Variants in ARL5B observed in about 807,000 individuals in gnomAD.
ARL5B encodes the protein ADP-ribosylation factor-like protein 5B.
In ARL5B, 10 loss-of-function variants were observed where a neutral mutation model predicts 26.9. The observed-to-expected ratio is 0.37, with a 90% CI of 0.23 to 0.63. The LOEUF (loss-of-function observed/expected upper bound fraction) is 0.63. Ranked by LOEUF, ARL5B falls within the 30% of genes least tolerant of loss-of-function variation. ARL5B has a pLI of 0.62. For missense variants in ARL5B, 167 were observed against 213.9 expected (o/e 0.78, Z 1.37); for synonymous variants, 87 against 70.4 (o/e 1.24, Z -1.18).
intron 3 of ARL5B, 39 bp downstream of exon 3, chr10:18,668,716 C>A: frequency 6.3e-7 from 1 of 1,599,984 alleles, no homozygotes; most frequent in Middle Eastern, 1.7e-4. Flanking sequence ...TCCAAAGGTC[C>A]CTAGAGTAAA....
chr10:18,674,145 T>C lies in ARL5B; in HGVS notation c.491+10T>C. On this transcript the variant is annotated intron_variant, in intron 5 of 5. Transcript: ENST00000377275. ...CTCTCACAGGAGAAGGGTAAGTTCA[T>C]CCGTCTGAGGGGAGGTATGACTTCT... 2 of 1,602,800 alleles carry C rather than the reference T, an allele frequency of 1.2e-6. No homozygotes were observed.
rs903422652 is a variant in ARL5B at position 18,680,099 on chromosome 10, A to T, written c.*4883A>T. On this transcript the variant is annotated 3_prime_UTR_variant, in exon 6 of 6. Transcript: ENST00000377275. ...CTTTTGGAATAGAAAACAAAGTTTT[A>T]AAAGAATGGATATGTTTTCTTGCAC... 4.6e-5 allele frequency: 7 copies of T among 152,046 alleles called. No individual in the cohort carries two copies. Among genetic ancestry groups the T allele is most frequent in the Non-Finnish European group, 8.8e-5 (6 of 67,888 alleles). 9.4% of individuals were successfully genotyped at this position (152,046 alleles called of 1,614,324 possible). A position where few individuals can be genotyped will look rare whatever the true frequency, so the allele number is the denominator to read the frequency against.
Position 18,676,576 on chromosome 10 carries a change from G to C in ARL5B, c.*1360G>C, listed in dbSNP as rs1275435378. On this transcript the variant is annotated 3_prime_UTR_variant, in exon 6 of 6. Coordinates refer to ENST00000377275, the MANE Select transcript of ARL5B (RefSeq NM_178815.5). ...ATTTCGATCCTGTTTATTCAAATGTGTGATTTTGCTGAAATGAAAGGGATA... is the reference window on the plus strand; with the variant it reads ...ATTTCGATCCTGTTTATTCAAATGTCTGATTTTGCTGAAATGAAAGGGATA... 2 of 151,946 alleles carry C rather than the reference G, an allele frequency of 1.3e-5. No individual in the cohort carries two copies. The highest frequency in any genetic ancestry group is 2.4e-5 in the African/African-American group (1 of 41,418). The allele number at this position is 151,946 out of a possible 1,614,324, so 9.4% of individuals were successfully genotyped here.
rs1273753232 is a variant in ARL5B, at chr10:18,677,586, C to A, written c.*2370C>A. The A allele has an allele frequency of 1.3e-5, 2 of 152,218 alleles. No homozygotes were observed. The highest frequency in any genetic ancestry group is 4.8e-5 in the African/African-American group (2 of 41,388). 9.4% of individuals were successfully genotyped at this position (152,218 alleles called of 1,614,324 possible). ...CACAGTAACGTGAAAACTGATTATT[C>A]TTTACTCCAAGAGAATGTTTTAACC... On this transcript the variant is annotated 3_prime_UTR_variant, in exon 6 of 6. Coordinates refer to ENST00000377275, the MANE Select transcript of ARL5B (RefSeq NM_178815.5).
intron 4 of ARL5B, among the ~76,000 whole-genome samples, chr10:18,673,012 C>T (rs1229744045): frequency 6.6e-6 from 1 of 151,752 alleles, no homozygotes; most frequent in African/African-American, 2.4e-5. Context: ...ACTTAAGGGT[C>T]TTTTCCCCAA....
At chr10:18,674,216 G>T in intron 5 of ARL5B, 81 bp downstream of exon 5, 1 of 1,312,730 alleles carries the variant, frequency 7.6e-7, no homozygotes, top group South Asian at 1.6e-5. Context: ...TTCTTCATGG[G>T]TCCTGTTCCT....
rs1196236380 is a variant in ARL5B, at chr10:18,659,530, G to C, written c.-108G>C. 2 of 1,389,024 alleles carry C rather than the reference G, an allele frequency of 1.4e-6. No individual in the cohort carries two copies. The highest frequency in any genetic ancestry group is 5.2e-5 in the East Asian group (2 of 38,226). 86.0% of individuals were successfully genotyped at this position (1,389,024 alleles called of 1,614,324 possible). A position where few individuals can be genotyped will look rare whatever the true frequency, so the allele number is the denominator to read the frequency against. Reference sequence around the variant, plus strand: ...CGGCCTAGCAGTGCCCTCGCTGCGCGATCTCAGGCGGGTTCTCCTCGGCTC... The same window carrying C: ...CGGCCTAGCAGTGCCCTCGCTGCGCCATCTCAGGCGGGTTCTCCTCGGCTC... On this transcript the variant is annotated 5_prime_UTR_variant, in exon 1 of 6. Transcript: ENST00000377275.
intron 3 of ARL5B, among the ~76,000 whole-genome samples, chr10:18,670,250 A>T (rs1013710437): frequency 6.6e-6 from 1 of 152,210 alleles, no homozygotes; most frequent in African/African-American, 2.4e-5. Context: ...TAAGCAAATA[A>T]TATAGTTAAA....
rs975534360 is a variant in ARL5B at position 18,676,796 on chromosome 10, G to A, written c.*1580G>A. On this transcript the variant is annotated 3_prime_UTR_variant, in exon 6 of 6. Coordinates refer to ENST00000377275, the MANE Select transcript of ARL5B (RefSeq NM_178815.5). ...TATATTTAGTCAAGTTAATTTAGTC[G>A]AATGTGGTAACATTTTTCTGATTTA... 6.6e-6 allele frequency: 1 copy of A among 151,694 alleles called. No homozygotes were observed. The highest frequency in any genetic ancestry group is 1.9e-4 in the East Asian group (1 of 5,200). 9.4% of individuals were successfully genotyped at this position (151,694 alleles called of 1,614,324 possible).
chr10:18,675,074 T>C (rs2059904439), intron 5 of ARL5B, 94 bp from the exon 6 acceptor site: 5 of 1,086,434 alleles, frequency 4.6e-6, no homozygotes, highest in Admixed American at 2.1e-5. Context: ...ATGATTGTGC[T>C]ACCAGCCTTT....
chr10:18,674,127 A>G lies in ARL5B; in HGVS notation c.483A>G (p.Thr161=), dbSNP rs1226233772. 1.2e-6 allele frequency: 2 copies of G among 1,609,448 alleles called. No individual in the cohort carries two copies. Among genetic ancestry groups the G allele is most frequent in the Non-Finnish European group, 1.7e-6 (2 of 1,178,172 alleles). Residue 161 remains threonine (T), a synonymous_variant, in exon 5 of 6, where the codon ACA becomes ACG. Transcript: ENST00000377275. ...ACATTCAATCCTGCTGTGCTCTCAC[A>G]GGAGAAGGGTAAGTTCATCCGTCTG... ...PWHIQSCCAL[T]GEGLCQGLEW...
chr10:18,675,198 C>A lies in ARL5B; in HGVS notation c.522C>A (p.Ser174=). The change falls in exon 6 of 6, where the codon TCC becomes TCA. Residue 174 remains serine (S), a synonymous_variant. Coordinates refer to ENST00000377275, the MANE Select transcript of ARL5B (RefSeq NM_178815.5). ...GLCQGLEWMT[S]RIGVR ...GCCAAGGTCTAGAGTGGATGACCTC[C>A]CGGATTGGTGTGAGATAACTTTTTT... The A allele has an allele frequency of 6.2e-7, 1 of 1,613,364 alleles. No homozygotes were observed. Among genetic ancestry groups the A allele is most frequent in the Admixed American group, 1.7e-5 (1 of 60,000 alleles).
intron 5 of ARL5B, 87 bp from the exon 6 acceptor site, chr10:18,675,081 C>T: frequency 8.3e-7 from 1 of 1,208,598 alleles, no homozygotes; most frequent in Non-Finnish European, 1.2e-6. Context: ...TGCTACCAGC[C>T]TTTGGTTAAG....
chr10:18,666,746 T>C, intron 2 of ARL5B, 111 bp downstream of exon 2: 2 of 869,898 alleles, frequency 2.3e-6, no homozygotes, highest in Non-Finnish European at 3.3e-6. Flanking sequence ...TATATGTTTT[T>C]TGTTTTTTGT....
intron 1 of ARL5B, among the ~76,000 whole-genome samples, chr10:18,661,279 G>A (rs2059835310): frequency 1.3e-5 from 2 of 152,108 alleles, no homozygotes; most frequent in African/African-American, 4.8e-5. Flanking sequence ...ATCCTTTCCC[G>A]TTTTCCTTTC....
At position 18,678,663 on chromosome 10, in the gene ARL5B, C is replaced by G. The variant is rs1432010717; in HGVS notation, c.*3447C>G. The G allele has an allele frequency of 6.6e-6, 1 of 151,744 alleles. No individual in the cohort carries two copies. Among genetic ancestry groups the G allele is most frequent in the Non-Finnish European group, 1.5e-5 (1 of 67,790 alleles). The allele number at this position is 151,744 out of a possible 1,614,324, so 9.4% of individuals were successfully genotyped here. On this transcript the variant is annotated 3_prime_UTR_variant, in exon 6 of 6. Transcript: ENST00000377275. ...TTTGGAATTTATCTTTGGAGACCAA[C>G]TTTATGAGGCAGACTTTTTGTCTAC...
At position 18,675,283 on chromosome 10, in the gene ARL5B, G is replaced by A; in HGVS notation, c.*67G>A. 6.9e-7 allele frequency: 1 copy of A among 1,456,628 alleles called. No homozygotes were observed. The highest frequency in any genetic ancestry group is 9.6e-7 in the Non-Finnish European group (1 of 1,038,442). 90.2% of individuals were successfully genotyped at this position (1,456,628 alleles called of 1,614,324 possible). ...TGAACATTTTTTCCTAGTACCTTTG[G>A]CTGCTAAGGCAGCAGCATGTTTAAT... is the stretch of plus-strand genomic sequence containing the variant. On this transcript the variant is annotated 3_prime_UTR_variant, in exon 6 of 6. Coordinates refer to ENST00000377275, the MANE Select transcript of ARL5B (RefSeq NM_178815.5).
intron 1 of ARL5B, among the ~76,000 whole-genome samples, chr10:18,661,011 G>A (rs2059832665): frequency 6.6e-6 from 1 of 151,970 alleles, no homozygotes. Flanking sequence ...ACCACGCCCG[G>A]CCTATTTTTG....
chr10:18,659,577 G>T lies in ARL5B; in HGVS notation c.-61G>T, dbSNP rs1169854555. On this transcript the variant is annotated 5_prime_UTR_variant, in exon 1 of 6. Transcript: ENST00000377275. The stretch of plus-strand genomic sequence containing the variant: ...GCTCCGCGCAGCCCGCGCCGCGGTG[G>T]GGGACCCGGCGCAGCGGCACCTGCT... The T allele has an allele frequency of 1.9e-6, 3 of 1,544,342 alleles. No homozygotes were observed. The highest frequency in any genetic ancestry group is 2.6e-6 in the Non-Finnish European group (3 of 1,147,038).
Sources: allele counts gnomAD v4.1 joint callset (sites outside exome capture counted in the v4.1 genomes callset), GRCh38; gene constraint gnomAD v4.1.1; transcripts MANE v1.5; gene names NCBI Gene and HGNC (gene_info 2026-07-23, HGNC 2026-07-21).